Variants in NUMB observed in about 807,000 individuals in gnomAD.
NUMB encodes protein numb homolog.
Under a neutral mutation model 59.7 loss-of-function variants are expected in NUMB, and 29 were observed. The ratio of observed to expected loss-of-function variants is 0.49; its 90% CI spans 0.36 to 0.66. NUMB has a LOEUF of 0.66. Ranked by LOEUF, NUMB falls within the 30% of genes least tolerant of loss-of-function variation. The pLI is 0.00. For missense variants in NUMB, 723 were observed against 822.0 expected (o/e 0.88, Z 1.47); for synonymous variants, 288 against 288.2 (o/e 1.00, Z 0.01).
At chr14:73,389,333 CTCTT>C (rs1895731041) in intron 2 of NUMB, among the ~76,000 whole-genome samples, 1 of 141,546 alleles carries the variant, frequency 7.1e-6, no homozygotes, top group Non-Finnish European at 1.5e-5. Context: ...TACATATCTT[CTCTT>C]TATTTATTTT....
intron 4 of NUMB, among the ~76,000 whole-genome samples, chr14:73,330,495 G>A (rs1381201452): frequency 6.6e-6 from 1 of 152,154 alleles, no homozygotes; most frequent in African/African-American, 2.4e-5. Flanking sequence ...TTGATTTGCA[G>A]CTTTCTGGCT....
At chr14:73,424,959 C>G (rs1270744380) in intron 1 of NUMB, among the ~76,000 whole-genome samples, 1 of 152,140 alleles carries the variant, frequency 6.6e-6, no homozygotes, top group Non-Finnish European at 1.5e-5. Context: ...GGAAGTTTGT[C>G]CTATAATATT....
intron 6 of NUMB, chr14:73,299,067 G>T (rs1889954049): frequency 1.3e-5 from 2 of 152,352 alleles, no homozygotes; most frequent in South Asian, 4.1e-4. Flanking sequence ...TAGGGGTAGG[G>T]AGACAGGGAA....
intron 2 of NUMB, among the ~76,000 whole-genome samples, chr14:73,379,885 G>A (rs1010064242): frequency 6.6e-6 from 1 of 152,194 alleles, no homozygotes; most frequent in Non-Finnish European, 1.5e-5. Flanking sequence ...AAGTACTTGG[G>A]CTTCTGTTCC....
intron 4 of NUMB, among the ~76,000 whole-genome samples, chr14:73,324,947 C>G (rs979502495): frequency 4.6e-5 from 7 of 152,182 alleles, no homozygotes; most frequent in Non-Finnish European, 1.0e-4. Flanking sequence ...TCACGCTCTA[C>G]TACCCACTTT....
chr14:73,287,568 G>A (rs1889101789), intron 8 of NUMB, among the ~76,000 whole-genome samples: 1 of 151,876 alleles, frequency 6.6e-6, no homozygotes, highest in South Asian at 2.1e-4. Flanking sequence ...AGTAGAGATG[G>A]GGTTTTGCTA....
intron 3 of NUMB, among the ~76,000 whole-genome samples, chr14:73,357,904 C>T (rs912565571): frequency 6.9e-6 from 1 of 144,488 alleles, no homozygotes; most frequent in African/African-American, 2.6e-5. Flanking sequence ...AAAAAAAAAA[C>T]CCACCAAAAA....
intron 2 of NUMB, among the ~76,000 whole-genome samples, chr14:73,371,892 T>C (rs1369323258): frequency 6.6e-6 from 1 of 152,006 alleles, no homozygotes; most frequent in Admixed American, 6.6e-5. Flanking sequence ...TTTTATAAAT[T>C]ACCCAGTCTC....
At chr14:73,406,086 A>ATT (rs1195710680) in intron 2 of NUMB, among the ~76,000 whole-genome samples, 2 of 74,690 alleles carry the variant, frequency 2.7e-5, no homozygotes, top group African/African-American at 6.8e-5. Flanking sequence ...ATATTAACAT[A>ATT]TTTTTGTTTT....
At chr14:73,281,725 C>T (rs764045641) in intron 11 of NUMB, among the ~76,000 whole-genome samples, 1 of 152,202 alleles carries the variant, frequency 6.6e-6, no homozygotes, top group Non-Finnish European at 1.5e-5. Context: ...AGAAGATGAA[C>T]TAAAGAGCTC....
intron 1 of NUMB, among the ~76,000 whole-genome samples, chr14:73,432,068 A>C (rs1418906726): frequency 6.6e-6 from 1 of 152,154 alleles, no homozygotes; most frequent in African/African-American, 2.4e-5. Context: ...GTTATTCATA[A>C]GCCCTTATAG....
At chr14:73,394,404 T>TAA (rs1284623024) in intron 2 of NUMB, among the ~76,000 whole-genome samples, 1 of 120,330 alleles carries the variant, frequency 8.3e-6, no homozygotes, top group Non-Finnish European at 1.8e-5. Flanking sequence ...GCAGTTTTCT[T>TAA]TAAAAAAAAA....
At chr14:73,358,609 T>C (rs1161149157) in intron 3 of NUMB, among the ~76,000 whole-genome samples, 5 of 77,522 alleles carry the variant, frequency 6.4e-5, no homozygotes, top group Admixed American at 3.5e-4. Context: ...AGACTTTTTT[T>C]TTTTTTTTTT....
chr14:73,278,195 G>A (rs1888332932), intron 12 of NUMB, among the ~76,000 whole-genome samples: 1 of 151,994 alleles, frequency 6.6e-6, no homozygotes, highest in African/African-American at 2.4e-5. Flanking sequence ...GAAATATGTT[G>A]TCTTTTTGGT....
intron 1 of NUMB, among the ~76,000 whole-genome samples, chr14:73,413,241 C>T (rs149850834): frequency 0.16 from 23,515 of 151,036 alleles, 2,627 homozygotes; most frequent in Non-Finnish European, 0.23. Context: ...CACACACCAC[C>T]ACGCCCAGCT....
rs1275362738 is a variant in NUMB at position 73,352,680 on chromosome 14, G to C, written c.126+2946C>G. 2.1e-5 allele frequency among the ~76,000 whole-genome samples: 3 copies of C among 144,294 alleles called. No homozygotes were observed. The East Asian group carries it at 6.0e-4, about 29-fold the overall frequency. The allele number at this position is 144,294 out of a possible 152,430, so 94.7% of individuals were successfully genotyped here. ...CTCCCGAGTAGCTGGGATTACAGGC[G>C]CCCGCCACCACGTCCAGCTAATTTT... On this transcript the variant is annotated intron_variant, in intron 4 of 12. Coordinates refer to ENST00000555238, the MANE Select transcript of NUMB (RefSeq NM_001005743.2).
chr14:73,378,656 G>T (rs1663639242), intron 2 of NUMB, among the ~76,000 whole-genome samples: 1 of 152,194 alleles, frequency 6.6e-6, no homozygotes, highest in African/African-American at 2.4e-5. Context: ...AATCTGAAAA[G>T]GCTACATACT....
At chr14:73,323,437 T>C (rs925883643) in intron 4 of NUMB, among the ~76,000 whole-genome samples, 1 of 152,242 alleles carries the variant, frequency 6.6e-6, no homozygotes, top group Non-Finnish European at 1.5e-5. Flanking sequence ...AATGTAACTT[T>C]ACATATTCTC....
chr14:73,416,844 C>T (rs947777376), intron 1 of NUMB, among the ~76,000 whole-genome samples: 2 of 151,872 alleles, frequency 1.3e-5, no homozygotes, highest in African/African-American at 4.8e-5. Context: ...CCAGCAAAGG[C>T]CGGCCCTAAA....
Sources: allele counts gnomAD v4.1 joint callset (sites outside exome capture counted in the v4.1 genomes callset), GRCh38; gene constraint gnomAD v4.1.1; transcripts MANE v1.5; gene names NCBI Gene and HGNC (gene_info 2026-07-23, HGNC 2026-07-21).